SNTG2: variants seen among roughly 807,000 people sequenced by gnomAD.
The protein encoded by SNTG2 is syntrophin gamma 2.
SNTG2 carries 74 observed loss-of-function variants against 70.9 expected under a neutral mutation model. The observed-to-expected ratio is 1.04, with a 90% CI of 0.86 to 1.27. SNTG2 has a LOEUF of 1.27. SNTG2 is among the 50% of genes most tolerant of loss of function. SNTG2 has a pLI of 0.00. For missense variants in SNTG2, 717 were observed against 690.7 expected (o/e 1.04, Z -0.43); for synonymous variants, 278 against 273.8 (o/e 1.02, Z -0.15).
chr2:1,129,713 A>T lies in SNTG2; in HGVS notation c.326-7909A>T, dbSNP rs1667905992. ...TTTTGAAGTGAAACTGGAAACCTCA[A>T]CCACTTCTGGTTGTCATGGTGTTGA... On this transcript the variant is annotated intron_variant, in intron 4 of 16. Transcript: ENST00000308624. Among the ~76,000 whole-genome samples the T allele has an allele frequency of 3.9e-5, 6 of 152,154 alleles. No individual in the cohort carries two copies. In the South Asian group the frequency reaches 1.2e-3, roughly 32 times the overall value.
chr2:1,221,323 G>A (rs181411080), intron 9 of SNTG2, among the ~76,000 whole-genome samples: 2 of 149,788 alleles, frequency 1.3e-5, no homozygotes, highest in African/African-American at 2.5e-5. Flanking sequence ...GTCTCTCCCT[G>A]TCTCTGTCTC....
At chr2:1,275,316 A>C (rs796523972) in intron 14 of SNTG2, among the ~76,000 whole-genome samples, 6 of 152,336 alleles carry the variant, frequency 3.9e-5, no homozygotes, top group African/African-American at 1.4e-4. Flanking sequence ...ATTTATTTTT[A>C]ATTGAAGATT....
At chr2:1,227,859 G>A (rs957662722) in intron 9 of SNTG2, among the ~76,000 whole-genome samples, 2 of 152,214 alleles carry the variant, frequency 1.3e-5, no homozygotes, top group African/African-American at 4.8e-5. Context: ...GTAAGCGAGG[G>A]CACTTTGCTG....
At chr2:1,022,874 C>A (rs73908658) in intron 1 of SNTG2, among the ~76,000 whole-genome samples, 1 of 152,070 alleles carries the variant, frequency 6.6e-6, no homozygotes, top group Non-Finnish European at 1.5e-5. Flanking sequence ...AATCCATAGA[C>A]CTTGAGAAAC....
chr2:1,333,244 G>A (rs1194346265), intron 16 of SNTG2, among the ~76,000 whole-genome samples: 1 of 152,136 alleles, frequency 6.6e-6, no homozygotes, highest in African/African-American at 2.4e-5. Context: ...ACCTAACCAA[G>A]GAGGTGAAAA....
chr2:1,101,914 C>G (rs1572434078), intron 4 of SNTG2, among the ~76,000 whole-genome samples: 1 of 152,208 alleles, frequency 6.6e-6, no homozygotes, highest in African/African-American at 2.4e-5. Context: ...CTTCACCTCG[C>G]TCATTTTTAA....
chr2:1,080,405 G>T (rs1664207747), intron 1 of SNTG2, among the ~76,000 whole-genome samples: 1 of 152,182 alleles, frequency 6.6e-6, no homozygotes, highest in Non-Finnish European at 1.5e-5. Context: ...GGCTTGGTCT[G>T]TATCAGCTAA....
intron 1 of SNTG2, among the ~76,000 whole-genome samples, chr2:991,206 T>C (rs1454963438): frequency 3.3e-5 from 5 of 152,208 alleles, no homozygotes. Context: ...GCAGGGATTA[T>C]AGCTAGTTCT....
At chr2:1,040,247 C>T (rs116165460) in intron 1 of SNTG2, among the ~76,000 whole-genome samples, 1 of 152,300 alleles carries the variant, frequency 6.6e-6, no homozygotes, top group Non-Finnish European at 1.5e-5. Flanking sequence ...CACCAGAGTC[C>T]CTGTGGGCGG....
At chr2:1,233,608 C>T (rs62107219) in intron 9 of SNTG2, among the ~76,000 whole-genome samples, 14,568 of 152,260 alleles carry the variant, frequency 0.096, 777 homozygotes, top group South Asian at 0.15. Flanking sequence ...ACTGGCTGTC[C>T]TCCACAGGAG....
intron 9 of SNTG2, among the ~76,000 whole-genome samples, chr2:1,230,264 G>A (rs1324575920): frequency 6.6e-6 from 1 of 152,248 alleles, no homozygotes; most frequent in Non-Finnish European, 1.5e-5. Context: ...GTGTTATGAT[G>A]ACCTGCCTGG....
At chr2:1,304,959 A>G (rs137913480) in intron 14 of SNTG2, among the ~76,000 whole-genome samples, 232 of 152,312 alleles carry the variant, frequency 1.5e-3, no homozygotes, top group African/African-American at 5.1e-3. Context: ...AAGAGTTCTA[A>G]AACTATTTTA....
intron 1 of SNTG2, among the ~76,000 whole-genome samples, chr2:1,079,662 G>A (rs1215618144): frequency 2.6e-5 from 4 of 151,708 alleles, no homozygotes; most frequent in African/African-American, 4.8e-5. Flanking sequence ...CCGTGTCCTC[G>A]GTCATGGAAA....
Position 1,262,734 on chromosome 2 carries a change from C to CAACCCGAAGGCTCCGTCCAGACGAGGT in SNTG2, c.1077+3297_1077+3298insCGAAGGCTCCGTCCAGACGAGGTAACC, listed in dbSNP as rs1553374931. The CAACCCGAAGGCTCCGTCCAGACGAGGT allele has an allele frequency of 7.2e-5, 11 of 151,854 alleles. No individual in the cohort carries two copies. In the East Asian group the frequency reaches 2.1e-3, roughly 29 times the overall value. The allele number at this position is 151,854 out of a possible 1,614,324, so 9.4% of individuals were successfully genotyped here. A position where few individuals can be genotyped will look rare whatever the true frequency, so the allele number is the denominator to read the frequency against. On this transcript the variant is annotated intron_variant, in intron 13 of 16. Transcript: ENST00000308624. ...ACCGGAAGGCTCCGTCCAGACGAGG[C>CAACCCGAAGGCTCCGTCCAGACGAGGT]AACCGGAAGGCTCCGTGCAGACGAG...
At position 1,259,412 on chromosome 2, in the gene SNTG2, C is replaced by T. The variant is rs777711211; in HGVS notation, c.1048C>T (p.Leu350Phe). 5.5e-5 allele frequency: 88 copies of T among 1,613,870 alleles called. 1 individual carries two copies. The highest frequency in any genetic ancestry group is 4.9e-4 in the Middle Eastern group (3 of 6,082). Residue 350 changes from leucine to phenylalanine, a missense_variant, in exon 13 of 17, where the codon CTC (leucine) becomes TTC (phenylalanine). Coordinates refer to ENST00000308624, the MANE Select transcript of SNTG2 (RefSeq NM_018968.4). ...DWVRAERTYH[L>F]CEVLFKVHKF... Reference sequence around the variant, plus strand: ...GGTGCGAGCAGAAAGGACCTATCACCTCTGTGAGGTGCTATTTAAAGTTCA... The same window carrying T: ...GGTGCGAGCAGAAAGGACCTATCACTTCTGTGAGGTGCTATTTAAAGTTCA...
At chr2:975,532 A>G (rs570267078) in intron 1 of SNTG2, among the ~76,000 whole-genome samples, 1 of 152,370 alleles carries the variant, frequency 6.6e-6, no homozygotes, top group African/African-American at 2.4e-5. Context: ...CATCTACTAT[A>G]TAATAAGCTC....
In SNTG2 at chr2:1,233,165, G is replaced by A. The variant is rs150783754; in HGVS notation, c.720-4723G>A. Among the ~76,000 whole-genome samples the A allele has an allele frequency of 1.4e-4, 22 of 152,304 alleles. No individual in the cohort carries two copies. The East Asian group carries it at 3.7e-3, about 25-fold the overall frequency. On this transcript the variant is annotated intron_variant, in intron 9 of 16. Transcript: ENST00000308624. ...CGATTTACACATTTTGACTTTCTCC[G>A]GCATTGAAGCTTTGACGAGCAATTA...
At chr2:1,060,609 A>G (rs1004400730) in intron 1 of SNTG2, among the ~76,000 whole-genome samples, 12 of 152,234 alleles carry the variant, frequency 7.9e-5, no homozygotes, top group Non-Finnish European at 1.8e-4. Context: ...AAGGGCAGAA[A>G]GGTCAGCCTG....
chr2:969,804 G>A (rs1660681249), intron 1 of SNTG2, among the ~76,000 whole-genome samples: 1 of 152,184 alleles, frequency 6.6e-6, no homozygotes, highest in Non-Finnish European at 1.5e-5. Context: ...CATATTGTCT[G>A]CAAACAGAGA....
Sources: allele counts gnomAD v4.1 joint callset (sites outside exome capture counted in the v4.1 genomes callset), GRCh38; gene constraint gnomAD v4.1.1; transcripts MANE v1.5; gene names NCBI Gene and HGNC (gene_info 2026-07-23, HGNC 2026-07-21).